Variants in XPR1 observed in about 807,000 individuals in gnomAD.
XPR1 encodes xenotropic and polytropic retrovirus receptor 1.
In XPR1, 28 loss-of-function variants were observed where a neutral mutation model predicts 87.5. The ratio of observed to expected loss-of-function variants is 0.32; its 90% confidence interval spans 0.24 to 0.44. The LOEUF (loss-of-function observed/expected upper bound fraction) is 0.44, where lower values mean the gene tolerates loss of function less well. Among genes scored for constraint, XPR1 ranks in the 20% least tolerant of loss-of-function variants. XPR1 has a pLI of 1.00. For synonymous variants in XPR1, 300 were observed against 306.1 expected, an observed-to-expected ratio of 0.98 and a Z score of 0.21; for missense variants, 559 against 862.3, an observed-to-expected ratio of 0.65 and a Z score of 4.41.
rs758682496 is a variant in XPR1, at chr1:180,787,868, A to G, written c.223+14A>G. 3.2e-6 allele frequency: 5 copies of G among 1,579,770 alleles called. No individual in the cohort carries two copies. The highest frequency in any genetic ancestry group is 2.7e-5 in the African/African-American group (2 of 73,036). On this transcript the variant is annotated intron_variant, in intron 3 of 14. Coordinates refer to ENST00000367590, the MANE Select transcript of XPR1 (RefSeq NM_004736.4). Reference sequence around the variant, plus strand: ...CATTTTATTCAGGTGAGTAATTAAGAGACTTTTTTTTTTGCTGCCGGGGAA... The same window carrying G: ...CATTTTATTCAGGTGAGTAATTAAGGGACTTTTTTTTTTGCTGCCGGGGAA...
rs201032529 is a variant in XPR1 at position 180,699,213 on chromosome 1, T to TC, written c.121+16802_121+16803insC. Among the ~76,000 whole-genome samples, 277 of 147,312 alleles carry TC rather than the reference T, an allele frequency of 1.9e-3. 5 individuals carry two copies. In the East Asian group the frequency reaches 0.049, roughly 26 times the overall value. On this transcript the variant is annotated intron_variant, in intron 2 of 14. Transcript: ENST00000367590. ...CTTTAGTTTCTTTTATTCTTTCTTTTTTTTTTTTTTTTTATTATACTCTAA... is the reference window on the plus strand; with the variant it reads ...CTTTAGTTTCTTTTATTCTTTCTTTTCTTTTTTTTTTTTTATTATACTCTAA...
At chr1:180,655,650 G>T (rs754227650) in intron 1 of XPR1, among the ~76,000 whole-genome samples, 21 of 151,690 alleles carry the variant, frequency 1.4e-4, no homozygotes, top group Non-Finnish European at 2.2e-4. Flanking sequence ...CTATGCCTTT[G>T]GTGTCTTATG....
intron 1 of XPR1, among the ~76,000 whole-genome samples, chr1:180,654,531 A>G (rs950514346): frequency 6.6e-6 from 1 of 152,128 alleles, no homozygotes; most frequent in African/African-American, 2.4e-5. Flanking sequence ...TTCATCTTGT[A>G]AAACCTAAAC....
At chr1:180,815,945 C>T (rs1650392055) in intron 7 of XPR1, among the ~76,000 whole-genome samples, 2 of 152,090 alleles carry the variant, frequency 1.3e-5, no homozygotes, top group South Asian at 2.1e-4. Context: ...GTTGCAAAGA[C>T]ATGTATGCTA....
intron 2 of XPR1, among the ~76,000 whole-genome samples, chr1:180,689,912 T>C (rs1656922093): frequency 6.6e-6 from 1 of 152,184 alleles, no homozygotes; most frequent in Non-Finnish European, 1.5e-5. Context: ...TCCCAGAACT[T>C]TGGGAGACCA....
intron 3 of XPR1, among the ~76,000 whole-genome samples, chr1:180,799,340 G>A (rs1313142518): frequency 1.3e-5 from 2 of 152,122 alleles, no homozygotes; most frequent in African/African-American, 2.4e-5. Flanking sequence ...GGGGACTTAT[G>A]GCCTCATTAT....
At chr1:180,857,642 C>T (rs994789373) in intron 11 of XPR1, among the ~76,000 whole-genome samples, 2 of 152,126 alleles carry the variant, frequency 1.3e-5, no homozygotes, top group Non-Finnish European at 2.9e-5. Context: ...AGTTCCAGAA[C>T]TGTACCTATA....
chr1:180,698,102 T>C (rs1657227670), intron 2 of XPR1, among the ~76,000 whole-genome samples: 1 of 152,164 alleles, frequency 6.6e-6, no homozygotes, highest in Non-Finnish European at 1.5e-5. Context: ...TTGCCTTAAA[T>C]ATCTGGGTGC....
At chr1:180,741,645 C>A (rs1352771494) in intron 2 of XPR1, among the ~76,000 whole-genome samples, 1 of 151,826 alleles carries the variant, frequency 6.6e-6, no homozygotes, top group Non-Finnish European at 1.5e-5. Flanking sequence ...CGCCACCATG[C>A]CCAGCTAATT....
rs150551585 is a variant in XPR1, at chr1:180,833,504, C to CAAA, written c.1135-1363_1135-1361dup. On this transcript the variant is annotated intron_variant, in intron 9 of 14. Transcript: ENST00000367590. Reference sequence around the variant, plus strand: ...GAAGATTTACCAAGCAAATGTAAAGCAAAAAAAAACACAAAAAAAACAGGG... The same window carrying CAAA: ...GAAGATTTACCAAGCAAATGTAAAGCAAAAAAAAAAAACACAAAAAAAACAGGG... Among the ~76,000 whole-genome samples the CAAA allele has an allele frequency of 6.1e-5, 9 of 147,948 alleles. 1 individual carries two copies. The highest frequency in any genetic ancestry group is 6.0e-4 in the Admixed American group (9 of 14,938).
At chr1:180,738,709 G>C (rs1658816290) in intron 2 of XPR1, among the ~76,000 whole-genome samples, 1 of 151,828 alleles carries the variant, frequency 6.6e-6, no homozygotes, top group South Asian at 2.1e-4. Context: ...CCAGTCTTTT[G>C]TCCATTTTTA....
chr1:180,788,127 C>T (rs1649224612), intron 3 of XPR1, among the ~76,000 whole-genome samples: 1 of 152,096 alleles, frequency 6.6e-6, no homozygotes, highest in Non-Finnish European at 1.5e-5. Context: ...TGGCCCAGTT[C>T]AAAGCTTGAA....
chr1:180,866,687 A>G (rs1481728442), intron 12 of XPR1, among the ~76,000 whole-genome samples: 2 of 152,362 alleles, frequency 1.3e-5, no homozygotes, highest in East Asian at 1.9e-4. Flanking sequence ...AGCCATGTGA[A>G]TGTGTTAAAA....
chr1:180,886,830 A>G lies in XPR1; in HGVS notation c.*2764A>G, dbSNP rs1269888742. ...CAGTTGCGAATGTTGTGTCCACCTT[A>G]CAATTTGATTGGAGGCTCCCATACA... is the stretch of plus-strand genomic sequence containing the variant. On this transcript the variant is annotated 3_prime_UTR_variant, in exon 15 of 15. Transcript: ENST00000367590. 1 of 152,210 alleles carries G rather than the reference A, an allele frequency of 6.6e-6. No individual in the cohort carries two copies. Among genetic ancestry groups the G allele is most frequent in the South Asian group, 2.1e-4 (1 of 4,830 alleles). The allele number at this position is 152,210 out of a possible 1,614,324, so 9.4% of individuals were successfully genotyped here.
intron 3 of XPR1, among the ~76,000 whole-genome samples, chr1:180,799,387 C>G (rs1649701311): frequency 6.6e-6 from 1 of 152,148 alleles, no homozygotes; most frequent in Non-Finnish European, 1.5e-5. Context: ...CTTTCAGAGT[C>G]TTGTCTCCCA....
intron 4 of XPR1, 125 bp downstream of exon 4, chr1:180,803,736 T>G: frequency 5.3e-6 from 4 of 758,294 alleles, no homozygotes; most frequent in Non-Finnish European, 6.2e-6. Flanking sequence ...CATGTTGTTA[T>G]TCTTGGGGTT....
chr1:180,806,711 A>G (rs530636455), intron 6 of XPR1, among the ~76,000 whole-genome samples, 154 bp downstream of exon 6: 2 of 152,244 alleles, frequency 1.3e-5, no homozygotes, highest in East Asian at 3.9e-4. Context: ...TATATGCTAT[A>G]TTTTACTTCA....
At chr1:180,732,745 C>T (rs6659121) in intron 2 of XPR1, among the ~76,000 whole-genome samples, 6,555 of 152,240 alleles carry the variant, frequency 0.043, 506 homozygotes, top group African/African-American at 0.15. Context: ...TGTCTATAGG[C>T]GGCTTGTGTT....
chr1:180,825,104 A>G (rs1558026718), intron 8 of XPR1, 61 bp from the exon 9 acceptor site: 1 of 1,529,464 alleles, frequency 6.5e-7, no homozygotes, highest in Admixed American at 2.2e-5. Flanking sequence ...TATTTTAAGT[A>G]ATGGTAAAAG....
Sources: allele counts gnomAD v4.1 joint callset (sites outside exome capture counted in the v4.1 genomes callset), GRCh38; gene constraint gnomAD v4.1.1; transcripts MANE v1.5; gene names NCBI Gene and HGNC (gene_info 2026-07-23, HGNC 2026-07-21).